The following PPARGC1A variants were observed in gnomAD, a reference collection of about 807,000 sequenced individuals.
PPARGC1A encodes PPARG coactivator 1 alpha, also known as peroxisome proliferator-activated receptor gamma coactivator 1-alpha.
PPARGC1A carries 25 observed loss-of-function variants against 88.7 expected under a neutral mutation model. That is an observed-to-expected ratio of 0.28 (90% CI 0.21 to 0.39). The LOEUF is 0.39. Among genes scored for constraint, PPARGC1A ranks in the 10% least tolerant of loss-of-function variants. The probability of loss-of-function intolerance (pLI) is 1.00; values close to 1 mark genes in which losing one functional copy is unlikely to be tolerated. For missense variants in PPARGC1A, 880 were observed against 968.7 expected (o/e 0.91, Z 1.22); for synonymous variants, 363 against 355.6 (o/e 1.02, Z -0.24).
At chr4:24,044,507 G>T in the PPARGC1A span, among the ~76,000 whole-genome samples, 1 of 151,970 alleles carries the variant, frequency 6.6e-6, no homozygotes, top group African/African-American at 2.4e-5. Flanking sequence ...TTTGAGGAAA[G>T]AATGCATGCT....
chr4:23,955,172 C>A, the PPARGC1A span, among the ~76,000 whole-genome samples: 1 of 152,004 alleles, frequency 6.6e-6, no homozygotes, highest in Non-Finnish European at 1.5e-5. Context: ...AGCATTCTCT[C>A]AAAACAGAAG....
At chr4:24,095,210 C>T in the PPARGC1A span, among the ~76,000 whole-genome samples, 1 of 151,386 alleles carries the variant, frequency 6.6e-6, no homozygotes, top group Non-Finnish European at 1.5e-5. Context: ...CTGTGCCTCC[C>T]GGGTTCAAGC....
the PPARGC1A span, among the ~76,000 whole-genome samples, chr4:24,095,429 T>TA: frequency 1.3e-4 from 20 of 152,202 alleles, no homozygotes; most frequent in Admixed American, 9.2e-4. Flanking sequence ...CGGCCAGAGA[T>TA]AGAGTCTTTA....
the PPARGC1A span, among the ~76,000 whole-genome samples, chr4:24,064,866 C>A: frequency 2.0e-5 from 3 of 152,140 alleles, no homozygotes; most frequent in Admixed American, 6.5e-5. Context: ...CCCCTCAAGG[C>A]CTCACTTACA....
chr4:24,132,030 A>T, the PPARGC1A span, among the ~76,000 whole-genome samples: 1 of 152,202 alleles, frequency 6.6e-6, no homozygotes. Context: ...CACACTGGCC[A>T]TCCTCTGAAT....
At chr4:24,359,291 C>T in the PPARGC1A span, among the ~76,000 whole-genome samples, 1 of 152,176 alleles carries the variant, frequency 6.6e-6, no homozygotes, top group Non-Finnish European at 1.5e-5. Context: ...AGGCTCAGTC[C>T]TTAAACTTCT....
At chr4:24,099,497 G>A in the PPARGC1A span, among the ~76,000 whole-genome samples, 13 of 152,112 alleles carry the variant, frequency 8.5e-5, no homozygotes, top group African/African-American at 3.1e-4. Flanking sequence ...CAAGGAGCAC[G>A]GATGGGATGA....
the PPARGC1A span, among the ~76,000 whole-genome samples, chr4:24,294,890 A>G: frequency 6.6e-6 from 1 of 152,210 alleles, no homozygotes; most frequent in Non-Finnish European, 1.5e-5. Context: ...GCTCCAACTA[A>G]GAGGACAGTG....
At position 23,824,422 on chromosome 4, in the gene PPARGC1A, C is replaced by T. The variant is rs1333691306; in HGVS notation, c.803+41G>A. The T allele has an allele frequency of 3.7e-6, 6 of 1,604,832 alleles. No individual in the cohort carries two copies. The Admixed American group carries it at 8.3e-5, about 22-fold the overall frequency. ...TGCTGTAGCCAAATGTATTAGAACC[C>T]CCTTCCCTTTCAGAAAATGGTTACA... is the stretch of plus-strand genomic sequence containing the variant. On this transcript the variant is annotated intron_variant, in intron 6 of 12. Coordinates refer to ENST00000264867, the MANE Select transcript of PPARGC1A (RefSeq NM_013261.5).
chr4:24,087,194 T>C, the PPARGC1A span, among the ~76,000 whole-genome samples: 2 of 152,220 alleles, frequency 1.3e-5, no homozygotes, highest in Non-Finnish European at 2.9e-5. Flanking sequence ...TGCTCCTCAC[T>C]AGCCAGCGCT....
At chr4:24,164,662 C>T in the PPARGC1A span, among the ~76,000 whole-genome samples, 1 of 152,096 alleles carries the variant, frequency 6.6e-6, no homozygotes, top group East Asian at 1.9e-4. Flanking sequence ...AAATTAGTAG[C>T]CTTAGAGAAT....
At chr4:24,309,291 A>G in the PPARGC1A span, among the ~76,000 whole-genome samples, 1 of 152,190 alleles carries the variant, frequency 6.6e-6, no homozygotes, top group Non-Finnish European at 1.5e-5. Context: ...TAATTTTAAA[A>G]AGGAGGAGGA....
chr4:24,203,710 C>A, the PPARGC1A span, among the ~76,000 whole-genome samples: 44 of 152,300 alleles, frequency 2.9e-4, no homozygotes, highest in African/African-American at 1.0e-3. Flanking sequence ...AATGATGAAC[C>A]CCATTGTGAA....
the PPARGC1A span, among the ~76,000 whole-genome samples, chr4:23,941,463 C>T: frequency 6.6e-6 from 1 of 152,040 alleles, no homozygotes; most frequent in Non-Finnish European, 1.5e-5. Flanking sequence ...CTGTCAGACT[C>T]GATCAGATGG....
the PPARGC1A span, among the ~76,000 whole-genome samples, chr4:24,273,034 G>T: frequency 1.3e-5 from 2 of 152,158 alleles, no homozygotes; most frequent in South Asian, 4.1e-4. Flanking sequence ...CACTTTCAAG[G>T]GATTTTACTT....
chr4:24,143,148 A>C, the PPARGC1A span, among the ~76,000 whole-genome samples: 1 of 152,240 alleles, frequency 6.6e-6, no homozygotes, highest in African/African-American at 2.4e-5. Flanking sequence ...ATTTGGGGTA[A>C]AGGAGAATTA....
the PPARGC1A span, among the ~76,000 whole-genome samples, chr4:24,367,521 C>A: frequency 6.6e-6 from 1 of 152,108 alleles, no homozygotes; most frequent in South Asian, 2.1e-4. Flanking sequence ...GCTAAGCCAA[C>A]CTGTTTGCAA....
intron 2 of PPARGC1A, among the ~76,000 whole-genome samples, chr4:23,880,383 G>T (rs1467611134): frequency 6.6e-6 from 1 of 152,090 alleles, no homozygotes; most frequent in African/African-American, 2.4e-5. Flanking sequence ...AACACATGAA[G>T]ATCAACTCAC....
At chr4:24,095,654 T>C in the PPARGC1A span, among the ~76,000 whole-genome samples, 1 of 152,100 alleles carries the variant, frequency 6.6e-6, no homozygotes, top group Non-Finnish European at 1.5e-5. Context: ...CTAGTCCACT[T>C]GTGCTGCTGT....
Sources: allele counts gnomAD v4.1 joint callset (sites outside exome capture counted in the v4.1 genomes callset), GRCh38; gene constraint gnomAD v4.1.1; transcripts MANE v1.5; gene names NCBI Gene and HGNC (gene_info 2026-07-23, HGNC 2026-07-21).